The following RIMS1 variants were observed in gnomAD, a reference collection of about 807,000 sequenced individuals.
RIMS1 encodes regulating synaptic membrane exocytosis protein 1.
In RIMS1, 83 loss-of-function variants were observed where a neutral mutation model predicts 214.1. The observed-to-expected ratio is 0.39, with a 90% CI of 0.32 to 0.47. The LOEUF (loss-of-function observed/expected upper bound fraction) is 0.47. RIMS1 is among the 20% of genes least tolerant of loss of function. The probability of loss-of-function intolerance (pLI) is 0.99; values close to 1 mark genes in which losing one functional copy is unlikely to be tolerated. For missense variants in RIMS1, 2,050 were observed against 2,161.8 expected (o/e 0.95, Z 1.03); for synonymous variants, 793 against 786.8 (o/e 1.01, Z -0.13).
intron 4 of RIMS1, among the ~76,000 whole-genome samples, chr6:72,173,304 T>C (rs1054678412): frequency 6.6e-6 from 1 of 152,092 alleles, no homozygotes; most frequent in Non-Finnish European, 1.5e-5. Context: ...TCATAATGAT[T>C]TTTATCTTGG....
At chr6:71,905,802 G>T (rs1351777162) in intron 1 of RIMS1, among the ~76,000 whole-genome samples, 1 of 151,874 alleles carries the variant, frequency 6.6e-6, no homozygotes, top group Non-Finnish European at 1.5e-5. Flanking sequence ...GGCTCCAGGT[G>T]TCTTGGCTCT....
At position 72,095,699 on chromosome 6, in the gene RIMS1, A is replaced by G. The variant is rs111531594; in HGVS notation, c.246-1250A>G. Among the ~76,000 whole-genome samples the G allele has an allele frequency of 5.9e-3, 893 of 152,362 alleles. 7 individuals are homozygous for G. The highest frequency in any genetic ancestry group is 0.021 in the African/African-American group (862 of 41,584). Reference sequence around the variant, plus strand: ...AAAAAGAAAATATAATGAAGTCTCAATACCTCAAACACTGCAGTACCTGGA... The same window carrying G: ...AAAAAGAAAATATAATGAAGTCTCAGTACCTCAAACACTGCAGTACCTGGA... On this transcript the variant is annotated intron_variant, in intron 2 of 33. Coordinates refer to ENST00000521978, the MANE Select transcript of RIMS1 (RefSeq NM_014989.7).
At position 72,196,377 on chromosome 6, in the gene RIMS1, G is replaced by GTCTGTCTGTCTATCTA. The variant is rs1554269277; in HGVS notation, c.1678+13231_1678+13232insGTCTGTCTATCTATCT. Among the ~76,000 whole-genome samples, 280 of 144,068 alleles carry GTCTGTCTGTCTATCTA rather than the reference G, an allele frequency of 1.9e-3. 1 individual carries two copies. The highest frequency in any genetic ancestry group is 3.6e-3 in the South Asian group (16 of 4,504). 94.5% of individuals were successfully genotyped at this position (144,068 alleles called of 152,430 possible). On this transcript the variant is annotated intron_variant, in intron 6 of 33. Transcript: ENST00000521978. ...TGTCTGTCTGTCTGTCTGTCTGTCTGTCTATCTATCTATCTATCTATCTAT... is the reference window on the plus strand; with the variant it reads ...TGTCTGTCTGTCTGTCTGTCTGTCTGTCTGTCTGTCTATCTATCTATCTATCTATCTATCTATCTAT...
chr6:72,094,284 C>T (rs756432367), intron 2 of RIMS1, among the ~76,000 whole-genome samples: 9 of 151,812 alleles, frequency 5.9e-5, no homozygotes, highest in Admixed American at 2.6e-4. Flanking sequence ...GTGTTATGTA[C>T]GGTAATAAAA....
chr6:72,008,182 G>C (rs1381910031), intron 2 of RIMS1, among the ~76,000 whole-genome samples: 2 of 152,050 alleles, frequency 1.3e-5, no homozygotes, highest in African/African-American at 4.8e-5. Context: ...CATTCTTAAA[G>C]AAAAGAATTT....
chr6:71,888,311 T>G (rs1193457371), intron 1 of RIMS1, among the ~76,000 whole-genome samples: 1 of 152,222 alleles, frequency 6.6e-6, no homozygotes, highest in East Asian at 1.9e-4. Flanking sequence ...GGGCCCTGAC[T>G]GTGACTGACT....
intron 4 of RIMS1, among the ~76,000 whole-genome samples, chr6:72,170,068 A>G (rs2046810852): frequency 6.6e-6 from 1 of 152,160 alleles, no homozygotes; most frequent in East Asian, 1.9e-4. Flanking sequence ...CTGAACCATC[A>G]CTTACTCGGC....
intron 29 of RIMS1, chr6:72,365,734 A>G (rs1036215352): frequency 1.3e-5 from 2 of 152,266 alleles, no homozygotes; most frequent in Admixed American, 1.3e-4. Flanking sequence ...GAGGAAAAAC[A>G]GAACACTCTA....
At chr6:72,017,009 G>A (rs1030268052) in intron 2 of RIMS1, among the ~76,000 whole-genome samples, 1 of 152,114 alleles carries the variant, frequency 6.6e-6, no homozygotes, top group Non-Finnish European at 1.5e-5. Flanking sequence ...CATATTATTA[G>A]CTGAGTTCAG....
chr6:72,326,688 T>G (rs1293973514), intron 28 of RIMS1, among the ~76,000 whole-genome samples: 2 of 151,796 alleles, frequency 1.3e-5, no homozygotes, highest in Non-Finnish European at 2.9e-5. Flanking sequence ...AATTACTTGG[T>G]CTGATAGGCA....
chr6:72,354,091 G>A (rs1054232463), intron 29 of RIMS1, among the ~76,000 whole-genome samples: 4 of 152,242 alleles, frequency 2.6e-5, no homozygotes, highest in South Asian at 2.1e-4. Flanking sequence ...GTGGTGGCAC[G>A]TGCCTGCAAT....
chr6:72,101,614 T>C (rs969326153), intron 4 of RIMS1, among the ~76,000 whole-genome samples: 2 of 151,954 alleles, frequency 1.3e-5, no homozygotes, highest in Non-Finnish European at 2.9e-5. Context: ...GGAAGAGAGA[T>C]AAGGGTGAAT....
chr6:72,249,313 T>C (rs947274025), intron 12 of RIMS1, among the ~76,000 whole-genome samples: 1 of 152,200 alleles, frequency 6.6e-6, no homozygotes, highest in African/African-American at 2.4e-5. Context: ...ATTCCAATTC[T>C]TGTGAGTTTG....
chr6:72,386,985 C>G (rs776421918), intron 29 of RIMS1, among the ~76,000 whole-genome samples: 1 of 152,062 alleles, frequency 6.6e-6, no homozygotes, highest in East Asian at 1.9e-4. Flanking sequence ...CCACCCGCCT[C>G]GGCCTCCCAA....
chr6:72,187,661 T>C (rs778488109), intron 6 of RIMS1, among the ~76,000 whole-genome samples: 9 of 151,834 alleles, frequency 5.9e-5, no homozygotes, highest in Non-Finnish European at 1.2e-4. Flanking sequence ...ACCCAGCTAA[T>C]TTATGTATTT....
At chr6:72,307,886 T>A (rs1364521461) in intron 27 of RIMS1, among the ~76,000 whole-genome samples, 1 of 146,084 alleles carries the variant, frequency 6.8e-6, no homozygotes, top group African/African-American at 2.4e-5. Flanking sequence ...TGGATTTGAT[T>A]TTTTTCTAAA....
chr6:72,280,557 CTTT>C (rs1010761816), intron 23 of RIMS1, among the ~76,000 whole-genome samples: 38 of 151,958 alleles, frequency 2.5e-4, no homozygotes, highest in African/African-American at 8.7e-4. Flanking sequence ...TTTACGTATT[CTTT>C]TAAGGGGTTA....
chr6:72,366,643 T>A, intron 29 of RIMS1: 1 of 944,616 alleles, frequency 1.1e-6, no homozygotes, highest in South Asian at 4.9e-5. Flanking sequence ...CAGAAGCAAT[T>A]TAATTATATT....
intron 2 of RIMS1, among the ~76,000 whole-genome samples, chr6:72,001,606 G>A (rs547019190): frequency 3.3e-5 from 5 of 152,230 alleles, no homozygotes; most frequent in African/African-American, 1.2e-4. Flanking sequence ...TAAATAATAA[G>A]CATAAAGAAG....
Sources: allele counts gnomAD v4.1 joint callset (sites outside exome capture counted in the v4.1 genomes callset), GRCh38; gene constraint gnomAD v4.1.1; transcripts MANE v1.5; gene names NCBI Gene and HGNC (gene_info 2026-07-23, HGNC 2026-07-21).